ZNF831: variants seen among roughly 807,000 people sequenced by gnomAD.
ZNF831 encodes zinc finger protein 831, also known as chromosome 20 open reading frame 174.
A neutral mutation model predicts 95.8 loss-of-function variants in ZNF831; 59 were observed. The observed-to-expected ratio is 0.62, with a 90% CI of 0.50 to 0.77. The LOEUF is 0.77. ZNF831 is among the 30% of genes least tolerant of loss of function. ZNF831 has a pLI of 0.00. For missense variants in ZNF831, 2,205 were observed against 2,164.0 expected (o/e 1.02, Z -0.38); for synonymous variants, 961 against 925.5 (o/e 1.04, Z -0.70).
intron 2 of ZNF831, among the ~76,000 whole-genome samples, chr20:59,155,308 G>T (rs1322337200): frequency 6.6e-6 from 1 of 152,316 alleles, no homozygotes; most frequent in Non-Finnish European, 1.5e-5. Context: ...ACACTTGTTA[G>T]CAGGCAGGAA....
At chr20:59,201,948 C>T (rs1984561627) in intron 3 of ZNF831, among the ~76,000 whole-genome samples, 1 of 152,194 alleles carries the variant, frequency 6.6e-6, no homozygotes, top group Non-Finnish European at 1.5e-5. Flanking sequence ...GTCTTTTCAA[C>T]AAATGGTTCC....
chr20:59,224,250 C>T (rs1986292207), intron 4 of ZNF831, among the ~76,000 whole-genome samples: 1 of 152,196 alleles, frequency 6.6e-6, no homozygotes, highest in Non-Finnish European at 1.5e-5. Context: ...TTCTCACCAG[C>T]CCAGGTACCT....
chr20:59,204,381 G>A (rs897203440), intron 3 of ZNF831, among the ~76,000 whole-genome samples: 7 of 152,204 alleles, frequency 4.6e-5, no homozygotes, highest in African/African-American at 1.7e-4. Flanking sequence ...CTGAGTCCAC[G>A]TGGCCTCTGC....
At chr20:59,247,016 T>C (rs1335814277) in intron 4 of ZNF831, among the ~76,000 whole-genome samples, 1 of 152,188 alleles carries the variant, frequency 6.6e-6, no homozygotes, top group African/African-American at 2.4e-5. Flanking sequence ...TTTTTAGCCA[T>C]TTTTTTCGTA....
At chr20:59,250,936 C>T (rs1036874568) in intron 4 of ZNF831, among the ~76,000 whole-genome samples, 24 of 151,502 alleles carry the variant, frequency 1.6e-4, no homozygotes, top group Middle Eastern at 6.8e-3. Flanking sequence ...AGAGAGAAGA[C>T]AAAACAGAAG....
At chr20:59,141,348 G>A (rs1488695524) in intron 1 of ZNF831, among the ~76,000 whole-genome samples, 4 of 151,974 alleles carry the variant, frequency 2.6e-5, no homozygotes, top group African/African-American at 9.7e-5. Context: ...AGTTTTACAT[G>A]TAAATCTATG....
rs1197012581 is a variant in ZNF831 at position 59,257,591 on chromosome 20, A to G, written c.*2848A>G. The G allele has an allele frequency of 4.6e-5, 7 of 152,238 alleles. No individual in the cohort carries two copies. Among genetic ancestry groups the G allele is most frequent in the African/African-American group, 1.7e-4 (7 of 41,472 alleles). 9.4% of individuals were successfully genotyped at this position (152,238 alleles called of 1,614,324 possible). A position where few individuals can be genotyped will look rare whatever the true frequency, so the allele number is the denominator to read the frequency against. On this transcript the variant is annotated 3_prime_UTR_variant, in exon 6 of 6. Transcript: ENST00000371030. Reference sequence around the variant, plus strand: ...AAAATGTCAGTATTATCAATTGATAACTACCACAGTTTTATACTCTGCAAG... The same window carrying G: ...AAAATGTCAGTATTATCAATTGATAGCTACCACAGTTTTATACTCTGCAAG...
rs772776260 is a variant in ZNF831 at position 59,192,578 on chromosome 20, G to A, written c.1559G>A (p.Arg520Lys). 4.6e-6 allele frequency: 7 copies of A among 1,515,122 alleles called. No individual in the cohort carries two copies. In the Admixed American group the frequency reaches 6.9e-5, roughly 15 times the overall value. The allele number at this position is 1,515,122 out of a possible 1,614,324, so 93.9% of individuals were successfully genotyped here. A position where few individuals can be genotyped will look rare whatever the true frequency, so the allele number is the denominator to read the frequency against. ...GGCTCCAGGACGTGGCTGGAGCCCA[G>A]GGAGCCCCGGGACCCCTGGTCCAGG... ...VEGSRTWLEP[R>K]EPRDPWSRTQ... Residue 520 changes from arginine to lysine, a missense_variant, in exon 2 of 6, where the codon AGG (arginine) becomes AAG (lysine). By Grantham distance (26) the Arg-to-Lys change is conservative. Transcript: ENST00000371030. This position sits in a 1 kb window ranked among gnomAD's most constrained non-coding sequence, Gnocchi z 5.2.
chr20:59,215,615 C>T (rs1181609748), intron 4 of ZNF831, among the ~76,000 whole-genome samples: 2 of 152,206 alleles, frequency 1.3e-5, no homozygotes, highest in Non-Finnish European at 2.9e-5. Flanking sequence ...GAGAGTTGTC[C>T]AGTGACTTGC....
intron 4 of ZNF831, among the ~76,000 whole-genome samples, chr20:59,246,084 C>T (rs1335009380): frequency 6.6e-6 from 1 of 152,148 alleles, no homozygotes; most frequent in Non-Finnish European, 1.5e-5. Context: ...TGGGCCAGCT[C>T]ACCTCTCCCT....
chr20:59,204,696 A>AG (rs1362459627), intron 3 of ZNF831, among the ~76,000 whole-genome samples: 1 of 152,186 alleles, frequency 6.6e-6, no homozygotes, highest in Non-Finnish European at 1.5e-5. Context: ...AAAGGTGGCA[A>AG]GGGGGTGACG....
At chr20:59,183,350 C>G (rs1982768075) in intron 1 of ZNF831, among the ~76,000 whole-genome samples, 1 of 152,202 alleles carries the variant, frequency 6.6e-6, no homozygotes, top group Non-Finnish European at 1.5e-5. Context: ...CTTGCAGGTA[C>G]AGGGTCTACA....
chr20:59,164,235 A>C lies in ZNF831; in HGVS notation c.-37+28A>C, dbSNP rs116278373. 5.2e-3 allele frequency among the ~76,000 whole-genome samples: 796 copies of C among 152,344 alleles called. 8 individuals are homozygous for C. Among genetic ancestry groups the C allele is most frequent in the African/African-American group, 0.018 (752 of 41,576 alleles). On this transcript the variant is annotated intron_variant, in intron 1 of 5. Coordinates refer to ENST00000371030, the MANE Select transcript of ZNF831 (RefSeq NM_178457.3). ...ATGTAACATGCTCCATGACATAAGCATATATAAAATGTCAGTTAAAAAAAA... is the reference window on the plus strand; with the variant it reads ...ATGTAACATGCTCCATGACATAAGCCTATATAAAATGTCAGTTAAAAAAAA...
intron 1 of ZNF831, among the ~76,000 whole-genome samples, chr20:59,173,609 T>G (rs763024078): frequency 6.6e-6 from 1 of 152,214 alleles, no homozygotes; most frequent in Admixed American, 6.5e-5. Flanking sequence ...GTGATGGCTT[T>G]ATTAATTGTG....
chr20:59,167,658 T>A (rs890555608), intron 1 of ZNF831, among the ~76,000 whole-genome samples: 2 of 150,058 alleles, frequency 1.3e-5, no homozygotes, highest in African/African-American at 4.9e-5. Context: ...TAGGTCAAGG[T>A]TTTTTTTTTC....
chr20:59,157,236 C>T (rs1980593234), intron 2 of ZNF831, among the ~76,000 whole-genome samples: 1 of 152,212 alleles, frequency 6.6e-6, no homozygotes, highest in South Asian at 2.1e-4. Flanking sequence ...CCTCTTATCT[C>T]TGTGAGTTCA....
chr20:59,125,738 T>C (rs553464815), intron 1 of ZNF831, among the ~76,000 whole-genome samples: 1 of 152,332 alleles, frequency 6.6e-6, no homozygotes, highest in African/African-American at 2.4e-5. Flanking sequence ...GAGTTGTTTA[T>C]TAGTTTCTGC....
chr20:59,146,993 G>C (rs1285262649), intron 2 of ZNF831: 6 of 152,292 alleles, frequency 3.9e-5, no homozygotes, highest in Non-Finnish European at 8.8e-5. Context: ...GACAACCATG[G>C]GAGCAGGAGA....
At chr20:59,185,778 C>T (rs75689197) in intron 1 of ZNF831, among the ~76,000 whole-genome samples, 1 of 152,316 alleles carries the variant, frequency 6.6e-6, no homozygotes, top group African/African-American at 2.4e-5. Flanking sequence ...TTATTTCTCC[C>T]TTCCTCCCTT....
Sources: gnomAD v4.1 joint callset for allele counts (sites outside exome capture counted in the v4.1 genomes callset) on GRCh38, gnomAD v4.1.1 for gene constraint, Gnocchi (gnomAD v3.1) non-coding constraint, MANE v1.5 for transcripts, NCBI Gene and HGNC (gene_info 2026-07-23, HGNC 2026-07-21) for gene names.